The following ATP2B2 variants were observed in gnomAD, a reference collection of about 807,000 sequenced individuals.
ATP2B2 encodes plasma membrane calcium-transporting ATPase 2.
A neutral mutation model predicts 120.0 loss-of-function variants in ATP2B2; 15 were observed. The observed-to-expected ratio is 0.12, with a 90% CI of 0.08 to 0.19. The LOEUF is 0.19. Ranked by LOEUF, ATP2B2 falls within the 10% of genes least tolerant of loss-of-function variation. The probability of loss-of-function intolerance (pLI) is 1.00; values close to 1 mark genes in which losing one functional copy is unlikely to be tolerated. For missense variants in ATP2B2, 1,045 were observed against 1,719.8 expected (o/e 0.61, Z 6.94); for synonymous variants, 694 against 700.3 (o/e 0.99, Z 0.14).
At chr3:10,633,819 G>T (rs1334316473) in intron 1 of ATP2B2, among the ~76,000 whole-genome samples, 1 of 152,296 alleles carries the variant, frequency 6.6e-6, no homozygotes, top group East Asian at 1.9e-4. Flanking sequence ...TGTATTGGCT[G>T]TCCCCCCAAC....
chr3:10,462,776 C>T (rs1004150970), intron 1 of ATP2B2, among the ~76,000 whole-genome samples: 1 of 152,148 alleles, frequency 6.6e-6, no homozygotes, highest in East Asian at 1.9e-4. Context: ...TTTTCACTGG[C>T]TACCAGTGCC....
chr3:10,519,015 G>T (rs2066930536), intron 3 of ATP2B2, among the ~76,000 whole-genome samples: 1 of 152,210 alleles, frequency 6.6e-6, no homozygotes, highest in Non-Finnish European at 1.5e-5. Context: ...TGTGCACTAG[G>T]CCCTGTCTAA....
In ATP2B2 at chr3:10,402,044, T is replaced by C. The variant is rs1382365791; in HGVS notation, c.655+47A>G. On this transcript the variant is annotated intron_variant, in intron 4 of 22. Coordinates refer to ENST00000360273, the MANE Select transcript of ATP2B2 (RefSeq NM_001001331.4). This position sits in a 1 kb window ranked among gnomAD's most constrained non-coding sequence, Gnocchi z 4.9. ...GCATCAGCCTGGCCTGTCCCACCTCTGCCGGAATCCAGCTTTAGAACCTGG... is the reference window on the plus strand; with the variant it reads ...GCATCAGCCTGGCCTGTCCCACCTCCGCCGGAATCCAGCTTTAGAACCTGG... The C allele has an allele frequency of 6.2e-7, 1 of 1,608,440 alleles. No homozygotes were observed. Among genetic ancestry groups the C allele is most frequent in the Non-Finnish European group, 8.5e-7 (1 of 1,179,974 alleles).
intron 1 of ATP2B2, among the ~76,000 whole-genome samples, chr3:10,677,955 T>C (rs1024487836): frequency 6.6e-6 from 1 of 152,162 alleles, no homozygotes; most frequent in Non-Finnish European, 1.5e-5. Flanking sequence ...GAAGCAGGTA[T>C]TGTGGACATG....
At chr3:10,391,387 G>A (rs1342000641) in intron 5 of ATP2B2, among the ~76,000 whole-genome samples, 4 of 152,244 alleles carry the variant, frequency 2.6e-5, no homozygotes, top group Non-Finnish European at 5.9e-5. Flanking sequence ...CGCTGGAAAT[G>A]AAGGCATTGG....
At position 10,328,837 on chromosome 3, in the gene ATP2B2, G is replaced by T; in HGVS notation, c.3709C>A (p.His1237Asn). The change falls in exon 23 of 23, where the codon CAC becomes AAC. Residue 1237 changes from histidine (H) to asparagine (N), a missense_variant. By Grantham distance (68) the His-to-Asn change is moderately conservative. This residue lies in a region of ATP2B2 where 211 missense variants were observed against 385.1 expected (regional missense o/e 0.55). Coordinates refer to ENST00000360273, the MANE Select transcript of ATP2B2 (RefSeq NM_001001331.4). ...AGCTAAAGCGACGTCTCCAGGCTGT[G>T]GATGGGGCTCCCTGGACTTGAAGAG... ...ATSSSPGSPI[H>N]SLETSL The T allele has an allele frequency of 6.2e-7, 1 of 1,612,080 alleles. No individual in the cohort carries two copies.
intron 2 of ATP2B2, among the ~76,000 whole-genome samples, chr3:10,445,724 G>A (rs1482839536): frequency 1.3e-5 from 2 of 152,212 alleles, no homozygotes; most frequent in Non-Finnish European, 2.9e-5. Flanking sequence ...GCTAATTTAT[G>A]CGTGGCCTGG....
At chr3:10,707,561 G>A (rs2071915347) in intron 1 of ATP2B2, among the ~76,000 whole-genome samples, 1 of 152,200 alleles carries the variant, frequency 6.6e-6, no homozygotes, top group South Asian at 2.1e-4. Context: ...GAAATAGGGG[G>A]TTCTAGCGTC....
rs192994067 is a variant in ATP2B2 at position 10,600,504 on chromosome 3, A to T, written c.-415+19413T>A. 1.2e-3 allele frequency among the ~76,000 whole-genome samples: 182 copies of T among 152,320 alleles called. 1 individual carries two copies. Among genetic ancestry groups the T allele is most frequent in the Non-Finnish European group, 1.6e-3 (108 of 68,028 alleles). ...GCAGCTGCATATTTAATTAAAATGGAATCACAGTTCACCCAGGAACCATGG... is the reference window on the plus strand; with the variant it reads ...GCAGCTGCATATTTAATTAAAATGGTATCACAGTTCACCCAGGAACCATGG... On this transcript the variant is annotated intron_variant, in intron 2 of 21. Coordinates refer to the ATP2B2 transcript ENST00000646379.
At chr3:10,552,224 C>T (rs2067685399) in intron 2 of ATP2B2, among the ~76,000 whole-genome samples, 1 of 152,230 alleles carries the variant, frequency 6.6e-6, no homozygotes, top group African/African-American at 2.4e-5. Flanking sequence ...TAGGCATCAC[C>T]ATGGCATCTG....
At chr3:10,528,653 C>A (rs1377420314) in intron 3 of ATP2B2, among the ~76,000 whole-genome samples, 3 of 151,092 alleles carry the variant, frequency 2.0e-5, no homozygotes, top group African/African-American at 7.4e-5. Flanking sequence ...AAGGAACACA[C>A]CCCTGAATAT....
intron 1 of ATP2B2, among the ~76,000 whole-genome samples, chr3:10,703,805 T>A (rs890182285): frequency 3.3e-5 from 5 of 152,232 alleles, no homozygotes; most frequent in Admixed American, 6.5e-5. Context: ...AGTGAATGAC[T>A]GGCCCATGAG....
chr3:10,484,501 C>T (rs1313802915), intron 1 of ATP2B2, among the ~76,000 whole-genome samples: 1 of 152,118 alleles, frequency 6.6e-6, no homozygotes, highest in Non-Finnish European at 1.5e-5. Flanking sequence ...TTTGAGCTCT[C>T]CATGACCCAC....
chr3:10,387,495 A>G (rs1338191422), intron 6 of ATP2B2, among the ~76,000 whole-genome samples: 1 of 152,196 alleles, frequency 6.6e-6, no homozygotes, highest in Non-Finnish European at 1.5e-5. Flanking sequence ...GAGACAAAAG[A>G]CTGAAAATGT....
intron 1 of ATP2B2, among the ~76,000 whole-genome samples, chr3:10,462,152 G>A (rs992436469): frequency 2.6e-5 from 4 of 152,046 alleles, no homozygotes; most frequent in South Asian, 2.1e-4. Flanking sequence ...TTTCCACCAC[G>A]GCCTTTCTCC....
intron 5 of ATP2B2, among the ~76,000 whole-genome samples, chr3:10,398,758 C>A (rs2062125158): frequency 6.6e-6 from 1 of 152,188 alleles, no homozygotes; most frequent in African/African-American, 2.4e-5. Context: ...GCACACACAG[C>A]CAGAGAGCTC....
At chr3:10,481,504 T>C (rs34884) in intron 1 of ATP2B2, among the ~76,000 whole-genome samples, 146,232 of 152,300 alleles carry the variant, frequency 0.96, 70,233 homozygotes, top group East Asian at 1. Flanking sequence ...TAAGATGCCT[T>C]GTCATCACGC....
chr3:10,493,526 C>T (rs2066015720), intron 1 of ATP2B2, among the ~76,000 whole-genome samples: 2 of 152,044 alleles, frequency 1.3e-5, no homozygotes, highest in Admixed American at 6.6e-5. Flanking sequence ...TCGACTTGTT[C>T]CTGTACATCA....
chr3:10,418,207 C>A (rs1302843923), intron 2 of ATP2B2, among the ~76,000 whole-genome samples: 2 of 152,186 alleles, frequency 1.3e-5, no homozygotes, highest in African/African-American at 2.4e-5. Flanking sequence ...CCTATTTCTC[C>A]TCTCCTCTCT....
Sources: gnomAD v4.1 joint callset for allele counts (sites outside exome capture counted in the v4.1 genomes callset) on GRCh38, gnomAD v4.1.1 for gene constraint, gnomAD v4.1.1 regional missense constraint, Gnocchi (gnomAD v3.1) non-coding constraint, MANE v1.5 for transcripts, NCBI Gene and HGNC (gene_info 2026-07-23, HGNC 2026-07-21) for gene names.